Variants in PLEKHG5 observed in about 807,000 individuals in gnomAD.
PLEKHG5 encodes pleckstrin homology and RhoGEF domain containing G5, also known as pleckstrin homology domain-containing family G member 5.
A neutral mutation model predicts 103.8 loss-of-function variants in PLEKHG5; 52 were observed. The ratio of observed to expected loss-of-function variants is 0.50; its 90% CI spans 0.40 to 0.63. The LOEUF is 0.63. PLEKHG5 is among the 30% of genes least tolerant of loss of function. The probability of loss-of-function intolerance (pLI) is 0.00; values close to 1 mark genes in which losing one functional copy is unlikely to be tolerated. For synonymous variants in PLEKHG5, 592 were observed against 575.5 expected (o/e 1.03, Z -0.41); for missense variants, 1,205 against 1,347.6 (o/e 0.89, Z 1.66).
rs974980972 is a variant in PLEKHG5, at chr1:6,474,226, G to C, written c.440-62C>G. On this transcript the variant is annotated intron_variant, in intron 6 of 20. Coordinates refer to ENST00000377728, the MANE Select transcript of PLEKHG5 (RefSeq NM_020631.6). ...GGTCTGGTGGAGGAGGGGGTCCCCG[G>C]TCCTCTCTCCCCGGAGGATCCACAC... 3 of 1,583,340 alleles carry C rather than the reference G, an allele frequency of 1.9e-6. No homozygotes were observed. The African/African-American group carries it at 4.0e-5, about 21-fold the overall frequency.
Position 6,469,562 on chromosome 1 carries a change from G to A in PLEKHG5, c.1915C>T (p.Arg639Trp), listed in dbSNP as rs769891709. 16 of 1,613,722 alleles carry A rather than the reference G, an allele frequency of 9.9e-6. No homozygotes were observed. Among genetic ancestry groups the A allele is most frequent in the African/African-American group, 9.3e-5 (7 of 74,922 alleles). Residue 639 changes from arginine (R) to tryptophan (W), a missense_variant, in exon 17 of 21, where the codon CGG becomes TGG. By Grantham distance (101) the Arg-to-Trp change is moderately radical (BLOSUM62 -3). Coordinates refer to ENST00000377728, the MANE Select transcript of PLEKHG5 (RefSeq NM_020631.6). ...PPLLVDKIVC[R>W]ELRDPGSFLL... ...TCCTTACCAGGGTCCCGTAGCTCCC[G>A]GCACACAATCTTGTCCACGAGCAGG...
At chr1:6,502,421 A>G (rs887135145) in intron 1 of PLEKHG5, among the ~76,000 whole-genome samples, 1 of 152,170 alleles carries the variant, frequency 6.6e-6, no homozygotes, top group Non-Finnish European at 1.5e-5. Flanking sequence ...GGGACCGGAG[A>G]GCTGAACACA....
At chr1:6,474,691 C>T in intron 5 of PLEKHG5, 104 bp from the exon 6 acceptor site, 2 of 1,174,670 alleles carry the variant, frequency 1.7e-6, no homozygotes, top group Non-Finnish European at 2.4e-6. Context: ...CCCCAGCTGC[C>T]CCCACCTTCC....
At position 6,473,236 on chromosome 1, in the gene PLEKHG5, G is replaced by A. The variant is rs1305136479; in HGVS notation, c.795+15C>T. The A allele has an allele frequency of 2.5e-6, 4 of 1,612,538 alleles. No individual in the cohort carries two copies. The East Asian group carries it at 6.7e-5, about 27-fold the overall frequency. On this transcript the variant is annotated intron_variant, in intron 8 of 20. Transcript: ENST00000377728. ...CCAGCCAGCTGCCTGACCCTGGGCA[G>A]ATGGGGCCACATACCCGGCCAAAGG...
Position 6,491,576 on chromosome 1 carries a change from C to T in PLEKHG5, c.-88+61G>A. 1 of 870,134 alleles carries T rather than the reference C, an allele frequency of 1.1e-6. No homozygotes were observed. Among genetic ancestry groups the T allele is most frequent in the Non-Finnish European group, 1.4e-6 (1 of 725,410 alleles). The allele number at this position is 870,134 out of a possible 1,614,324, so 53.9% of individuals were successfully genotyped here. A position where few individuals can be genotyped will look rare whatever the true frequency, so the allele number is the denominator to read the frequency against. On this transcript the variant is annotated intron_variant, in intron 1 of 20. Coordinates refer to ENST00000377728, the MANE Select transcript of PLEKHG5 (RefSeq NM_020631.6). The surrounding 1 kb of genome is among the most constrained non-coding windows in gnomAD (Gnocchi z 4.1). ...CCATTCCCTGGGGCATCCTGGTCTG[C>T]CGCTGCTCACCCCCAAAGCATTGCC...
chr1:6,473,765 T>C (rs573016690), intron 7 of PLEKHG5, among the ~76,000 whole-genome samples: 2 of 152,084 alleles, frequency 1.3e-5, no homozygotes, highest in Non-Finnish European at 2.9e-5. Context: ...CACACACACA[T>C]GCACACACAG....
chr1:6,471,849 G>A lies in PLEKHG5; in HGVS notation c.1081-41C>T, dbSNP rs1156380236. On this transcript the variant is annotated intron_variant, in intron 10 of 20. Transcript: ENST00000377728. ...ATGGTGTGACTGGGGTCGGGAGGCTGTCTCAGCCCTAGGGCCCCACCCAGC... is the reference window on the plus strand; with the variant it reads ...ATGGTGTGACTGGGGTCGGGAGGCTATCTCAGCCCTAGGGCCCCACCCAGC... 4 of 1,567,710 alleles carry A rather than the reference G, an allele frequency of 2.6e-6. No homozygotes were observed. In the African/African-American group the frequency reaches 5.4e-5, roughly 21 times the overall value.
chr1:6,468,124 C>G lies in PLEKHG5; in HGVS notation c.2712G>C (p.Glu904Asp). 6.4e-7 allele frequency: 1 copy of G among 1,574,616 alleles called. No homozygotes were observed. The highest frequency in any genetic ancestry group is 8.6e-7 in the Non-Finnish European group (1 of 1,160,102). Residue 904 changes from glutamate (E) to aspartate (D), a missense_variant, in exon 20 of 21, where the codon GAG (glutamate) becomes GAC (aspartate). Coordinates refer to ENST00000377728, the MANE Select transcript of PLEKHG5 (RefSeq NM_020631.6). ...CTGGGGCTGGAACAGCCAGGCAGAG[C>G]TCTGACAGGCTGCGGCTGGGGGCAG... The part of the protein sequence containing the change: ...TPSAPSRSLS[E>D]LCLAVPAPGI...
intron 2 of PLEKHG5, 61 bp from the exon 3 acceptor site, chr1:6,476,097 T>G: frequency 6.9e-7 from 1 of 1,451,804 alleles, no homozygotes; most frequent in Non-Finnish European, 9.6e-7. Flanking sequence ...GCAGCATGGC[T>G]GCCTCCAGAG....
Position 6,470,497 on chromosome 1 carries a change from C to T in PLEKHG5, c.1680+9G>A, listed in dbSNP as rs750734016. On this transcript the variant is annotated intron_variant, in intron 15 of 20. Transcript: ENST00000377728. ...CCAGCCGGCAACCCCCGCAGACACA[C>T]ACGCCCACCTTGTCCACTTCGTCGC... 2 of 1,610,792 alleles carry T rather than the reference C, an allele frequency of 1.2e-6. No individual in the cohort carries two copies. Among genetic ancestry groups the T allele is most frequent in the Non-Finnish European group, 8.5e-7 (1 of 1,180,004 alleles).
At chr1:6,468,699 G>A in intron 19 of PLEKHG5, 113 bp from the exon 20 acceptor site, 1 of 1,142,454 alleles carries the variant, frequency 8.8e-7, no homozygotes, top group Non-Finnish European at 1.3e-6. Flanking sequence ...GGGGCTGGAG[G>A]CTCAGAGATG....
At position 6,502,772 on chromosome 1, in the gene PLEKHG5, G is replaced by A. The variant is rs12567065; in HGVS notation, c.-164-6203C>T. On this transcript the variant is annotated intron_variant, in intron 1 of 21. Coordinates refer to the PLEKHG5 transcript ENST00000377740. ...CATCGGCCCACCCTGCATGGGCCCCGGCCAGGGTCTGGCTGGCACAGAGGA... is the reference window on the plus strand; with the variant it reads ...CATCGGCCCACCCTGCATGGGCCCCAGCCAGGGTCTGGCTGGCACAGAGGA... Among the ~76,000 whole-genome samples, 50 of 152,328 alleles carry A rather than the reference G, an allele frequency of 3.3e-4. No individual in the cohort carries two copies. In the East Asian group the frequency reaches 9.1e-3, roughly 28 times the overall value.
intron 16 of PLEKHG5, 87 bp from the exon 17 acceptor site, chr1:6,469,763 G>T: frequency 2.9e-6 from 4 of 1,362,946 alleles, no homozygotes; most frequent in Non-Finnish European, 4.1e-6. Flanking sequence ...GGAGCACTCG[G>T]TTTTTGTCAA....
At chr1:6,497,304 C>T (rs1490295582), upstream of PLEKHG5, 1 of 1,098,116 alleles carries the variant, frequency 9.1e-7, no homozygotes, top group Non-Finnish European at 1.3e-6. The surrounding 1 kb of genome is among the most constrained non-coding windows in gnomAD (Gnocchi z 6.1). Context: ...TCCGCCGGGT[C>T]CCCGCCTGCA....
At chr1:6,515,661 G>A (rs949679586) in intron 1 of PLEKHG5, among the ~76,000 whole-genome samples, 10 of 150,988 alleles carry the variant, frequency 6.6e-5, no homozygotes, top group Non-Finnish European at 1.3e-4. Context: ...CTCTGTCTCA[G>A]CAAAAAATTA....
chr1:6,493,370 G>T (rs934407054), upstream of PLEKHG5, among the ~76,000 whole-genome samples: 1 of 152,194 alleles, frequency 6.6e-6, no homozygotes, highest in Non-Finnish European at 1.5e-5. Context: ...TCTGGTAAAT[G>T]AATAAATGAA....
chr1:6,485,789 C>A, intron 1 of PLEKHG5: 1 of 777,026 alleles, frequency 1.3e-6, no homozygotes, highest in Non-Finnish European at 1.6e-6. Context: ...CGCCCAGTCC[C>A]CGGGACCCCC....
rs577217925 is a variant in PLEKHG5 at position 6,485,449 on chromosome 1, C to T, written c.-88+6188G>A. The T allele has an allele frequency of 4.5e-3, 5,733 of 1,262,340 alleles. 216 individuals are homozygous for T. In the African/African-American group the frequency reaches 0.072, roughly 16 times the overall value. 78.2% of individuals were successfully genotyped at this position (1,262,340 alleles called of 1,614,324 possible). A position where few individuals can be genotyped will look rare whatever the true frequency, so the allele number is the denominator to read the frequency against. On this transcript the variant is annotated intron_variant, in intron 1 of 20. Coordinates refer to ENST00000377728, the MANE Select transcript of PLEKHG5 (RefSeq NM_020631.6). ...ACACCGGGTCCTGTCCCCATGGCGGCCGGAGGAAGCCGCGGTCTGCGCCGC... is the reference window on the plus strand; with the variant it reads ...ACACCGGGTCCTGTCCCCATGGCGGTCGGAGGAAGCCGCGGTCTGCGCCGC...
Position 6,491,552 on chromosome 1 carries a change from C to T in PLEKHG5, c.-88+85G>A. On this transcript the variant is annotated intron_variant, in intron 1 of 20. Transcript: ENST00000377728. This position sits in a 1 kb window ranked among gnomAD's most constrained non-coding sequence, Gnocchi z 4.1. Reference sequence around the variant, plus strand: ...CTTCCAGAGATGGCCCAAACCTGGCCATTCCCTGGGGCATCCTGGTCTGCC... The same window carrying T: ...CTTCCAGAGATGGCCCAAACCTGGCTATTCCCTGGGGCATCCTGGTCTGCC... The T allele has an allele frequency of 1.5e-6, 1 of 680,316 alleles. No individual in the cohort carries two copies. The allele number at this position is 680,316 out of a possible 1,614,324, so 42.1% of individuals were successfully genotyped here.
Sources: gnomAD v4.1 joint callset for allele counts (sites outside exome capture counted in the v4.1 genomes callset) on GRCh38, gnomAD v4.1.1 for gene constraint, Gnocchi (gnomAD v3.1) non-coding constraint, MANE v1.5 for transcripts, NCBI Gene and HGNC (gene_info 2026-07-23, HGNC 2026-07-21) for gene names.